Variants in MYT1L observed in about 807,000 individuals in gnomAD.
The protein encoded by MYT1L is myelin transcription factor 1 like, also known as myelin transcription factor 1-like protein.
In MYT1L, 12 loss-of-function variants were observed where a neutral mutation model predicts 126.7. The ratio of observed to expected loss-of-function variants is 0.09; its 90% confidence interval spans 0.06 to 0.15. The LOEUF (loss-of-function observed/expected upper bound fraction) is 0.15, where lower values mean the gene tolerates loss of function less well. Among genes scored for constraint, MYT1L ranks in the 10% least tolerant of loss-of-function variants. The pLI is 1.00. For missense variants in MYT1L, 979 were observed against 1,585.2 expected (o/e 0.62, Z 6.49); for synonymous variants, 541 against 604.2 (o/e 0.90, Z 1.53).
intron 2 of MYT1L, among the ~76,000 whole-genome samples, chr2:2,223,636 AT>A (rs1284364018): frequency 2.0e-5 from 3 of 152,268 alleles, no homozygotes; most frequent in South Asian, 2.1e-4. Flanking sequence ...TTGCCCTCAT[AT>A]TTTTTTACAA....
chr2:2,189,808 G>T (rs1174646783), intron 2 of MYT1L, among the ~76,000 whole-genome samples: 1 of 150,386 alleles, frequency 6.6e-6, no homozygotes, highest in Non-Finnish European at 1.5e-5. Context: ...TCTCAGGACC[G>T]CACGGGGAGA....
intron 3 of MYT1L, among the ~76,000 whole-genome samples, chr2:2,150,156 G>A (rs1358106787): frequency 6.6e-6 from 1 of 152,134 alleles, no homozygotes; most frequent in South Asian, 2.1e-4. Flanking sequence ...AGGAAGCCGT[G>A]GTGCCTGGCA....
chr2:2,250,841 A>C (rs2094628386), intron 2 of MYT1L, among the ~76,000 whole-genome samples: 2 of 152,178 alleles, frequency 1.3e-5, no homozygotes, highest in South Asian at 4.1e-4. Context: ...AAATTCAGCC[A>C]GCATAATTTA....
chr2:2,148,836 C>T (rs1003445862), intron 3 of MYT1L, among the ~76,000 whole-genome samples: 3 of 152,098 alleles, frequency 2.0e-5, no homozygotes, highest in Admixed American at 1.3e-4. Flanking sequence ...CTTTGATGCA[C>T]CCGGATTATT....
Position 1,887,558 on chromosome 2 carries a change from C to T in MYT1L, c.2572G>A (p.Gly858Arg), listed in dbSNP as rs1225591163. The change falls in exon 17 of 25, where the codon GGG becomes AGG. Residue 858 changes from glycine to arginine, a missense_variant. Transcript: ENST00000647738. The surrounding 1 kb of genome is among the most constrained non-coding windows in gnomAD (Gnocchi z 4.8). ...QEALEERRYP[G>R]EVTIPSPKPK... ...TTGGGACTTGGGATGGTCACCTCCCCGGGATACCGTCTTTCTTCTAGAGCC... is the reference window on the plus strand; with the variant it reads ...TTGGGACTTGGGATGGTCACCTCCCTGGGATACCGTCTTTCTTCTAGAGCC... The T allele has an allele frequency of 1.9e-6, 3 of 1,613,956 alleles. No individual in the cohort carries two copies. Among genetic ancestry groups the T allele is most frequent in the Admixed American group, 1.7e-5 (1 of 60,018 alleles).
At position 2,114,775 on chromosome 2, in the gene MYT1L, C is replaced by T. The variant is rs536111815; in HGVS notation, c.-304+58097G>A. 9.2e-5 allele frequency among the ~76,000 whole-genome samples: 14 copies of T among 152,262 alleles called. No homozygotes were observed. In the South Asian group the frequency reaches 1.9e-3, roughly 20 times the overall value. On this transcript the variant is annotated intron_variant, in intron 3 of 24. Transcript: ENST00000647738. ...CCAGACCCAGGATCTTCATAAACAA[C>T]GCAAGGAGTCGAAGAGATCTTTGAA...
chr2:2,264,514 T>G (rs564040003), intron 2 of MYT1L, among the ~76,000 whole-genome samples: 8 of 152,244 alleles, frequency 5.3e-5, no homozygotes, highest in Admixed American at 5.2e-4. Context: ...TCACACAACC[T>G]AATAATCTTA....
intron 3 of MYT1L, among the ~76,000 whole-genome samples, chr2:2,104,201 C>T (rs1323796303): frequency 1.3e-5 from 2 of 152,168 alleles, no homozygotes; most frequent in Admixed American, 1.3e-4. Context: ...CATTGAAATG[C>T]TCAAAATGCA....
intron 21 of MYT1L, chr2:1,825,969 C>T (rs1428763895): frequency 6.6e-6 from 1 of 152,294 alleles, no homozygotes; most frequent in Non-Finnish European, 1.5e-5. Flanking sequence ...GCAGTGAGGC[C>T]ACCGGCTGTG....
At chr2:2,277,754 G>GA (rs528336647) in intron 2 of MYT1L, among the ~76,000 whole-genome samples, 145 of 152,020 alleles carry the variant, frequency 9.5e-4, no homozygotes, top group African/African-American at 3.4e-3. Context: ...TGTAATTATA[G>GA]AAAAAAATGG....
At chr2:1,830,303 C>T (rs1220590469) in intron 21 of MYT1L, among the ~76,000 whole-genome samples, 1 of 152,304 alleles carries the variant, frequency 6.6e-6, no homozygotes, top group East Asian at 1.9e-4. Context: ...ATGTCCTGAT[C>T]TTTAAAACAG....
chr2:2,072,360 G>T (rs145712074), intron 3 of MYT1L, among the ~76,000 whole-genome samples: 2 of 152,292 alleles, frequency 1.3e-5, no homozygotes, highest in East Asian at 3.9e-4. Flanking sequence ...GAATCCAAAT[G>T]TCTAAAGTTA....
intron 2 of MYT1L, among the ~76,000 whole-genome samples, chr2:2,271,318 A>G (rs2095259376): frequency 6.6e-6 from 1 of 152,238 alleles, no homozygotes; most frequent in Non-Finnish European, 1.5e-5. Flanking sequence ...GAGCTCTCTC[A>G]TTTTGTTTAT....
chr2:1,906,962 A>T (rs1352698048), intron 13 of MYT1L, among the ~76,000 whole-genome samples: 2 of 151,300 alleles, frequency 1.3e-5, no homozygotes, highest in Admixed American at 1.3e-4. Context: ...TAAAAAAAAT[A>T]TTAGCCAGGT....
chr2:2,210,348 A>G (rs1212617339), intron 2 of MYT1L, among the ~76,000 whole-genome samples: 1 of 152,152 alleles, frequency 6.6e-6, no homozygotes, highest in African/African-American at 2.4e-5. Flanking sequence ...CATTTCCCCA[A>G]TGCTTTCTTG....
At chr2:2,321,489 G>A (rs1183166455) in intron 1 of MYT1L, among the ~76,000 whole-genome samples, 1 of 152,162 alleles carries the variant, frequency 6.6e-6, no homozygotes, top group Non-Finnish European at 1.5e-5. Context: ...AGGTTGGGCC[G>A]AATTTAAAGT....
intron 10 of MYT1L, among the ~76,000 whole-genome samples, chr2:1,918,195 A>G (rs1291692989): frequency 6.6e-5 from 10 of 152,190 alleles, no homozygotes; most frequent in Non-Finnish European, 1.5e-4. Context: ...GAGGCCAGAA[A>G]TGTAATGATA....
intron 3 of MYT1L, among the ~76,000 whole-genome samples, chr2:2,068,407 C>T (rs142697448): frequency 6.6e-6 from 1 of 152,254 alleles, no homozygotes; most frequent in East Asian, 1.9e-4. Flanking sequence ...GACCCGGACC[C>T]TCCCTGTCCT....
chr2:1,808,226 C>T (rs755548494), intron 22 of MYT1L, among the ~76,000 whole-genome samples: 2 of 152,268 alleles, frequency 1.3e-5, no homozygotes, highest in East Asian at 3.9e-4. Flanking sequence ...TTAAAGACAA[C>T]CTATTTAATA....
Sources: allele counts gnomAD v4.1 joint callset (sites outside exome capture counted in the v4.1 genomes callset), GRCh38; gene constraint gnomAD v4.1.1; non-coding constraint Gnocchi (gnomAD v3.1); transcripts MANE v1.5; gene names NCBI Gene and HGNC (gene_info 2026-07-23, HGNC 2026-07-21).